SLC2A10: variants seen among roughly 807,000 people sequenced by gnomAD.
SLC2A10 encodes solute carrier family 2 member 10.
Under a neutral mutation model 32.1 loss-of-function variants are expected in SLC2A10, and 25 were observed. That is an observed-to-expected ratio of 0.78 (90% CI 0.57 to 1.09). The LOEUF is 1.09. Among genes scored for constraint, SLC2A10 ranks in the 50% least tolerant of loss-of-function variants. The probability of loss-of-function intolerance (pLI) is 0.00; values close to 1 mark genes in which losing one functional copy is unlikely to be tolerated. For synonymous variants in SLC2A10, 332 were observed against 309.6 expected (o/e 1.07, Z -0.76); for missense variants, 673 against 686.5 (o/e 0.98, Z 0.22).
rs983582627 is a variant in SLC2A10, at chr20:46,725,512, G to C, written c.476G>C (p.Gly159Ala). The C allele has an allele frequency of 1.2e-6, 2 of 1,614,016 alleles. No individual in the cohort carries two copies. The highest frequency in any genetic ancestry group is 2.7e-5 in the African/African-American group (2 of 74,912). Residue 159 changes from glycine (G) to alanine (A), a missense_variant, in exon 2 of 5, where the codon GGT (glycine) becomes GCT (alanine). By Grantham distance (60) the Gly-to-Ala change is moderately conservative. Coordinates refer to ENST00000359271, the MANE Select transcript of SLC2A10 (RefSeq NM_030777.4). ...TATGCCCTCAACTATGCACTGGCTG[G>C]TACCCCCTGGGGATGGAGGCACATG... is the stretch of plus-strand genomic sequence containing the variant. Reference protein sequence around the residue: ...LSYALNYALAGTPWGWRHMFG... With the variant: ...LSYALNYALAATPWGWRHMFG...
chr20:46,708,940 C>T (rs1978742313), upstream of SLC2A10, among the ~76,000 whole-genome samples: 1 of 152,236 alleles, frequency 6.6e-6, no homozygotes. Context: ...CTTCTCAGAT[C>T]AGCAAGCTAA....
upstream of SLC2A10, among the ~76,000 whole-genome samples, chr20:46,708,808 T>C (rs975778360): frequency 5.9e-5 from 9 of 152,224 alleles, no homozygotes; most frequent in African/African-American, 2.2e-4. Flanking sequence ...TCTTCTCCTC[T>C]GCTCCAGACA....
rs200196034 is a variant in SLC2A10, at chr20:46,726,093, C to T, written c.1057C>T (p.Leu353=). Reference sequence around the variant, plus strand: ...CTCTGGCCTGCTGCAGGACTCCTCTCTACCTCCCATTCCAAGGACCAATGA... The same window carrying T: ...CTCTGGCCTGCTGCAGGACTCCTCTTTACCTCCCATTCCAAGGACCAATGA... ...GDSGLLQDSS[L]PPIPRTNEDQ... is the part of the protein sequence containing the mutation. Residue 353 remains leucine, a synonymous_variant, in exon 2 of 5, where the codon CTA becomes TTA. Transcript: ENST00000359271. 3 of 1,614,142 alleles carry T rather than the reference C, an allele frequency of 1.9e-6. No homozygotes were observed. The highest frequency in any genetic ancestry group is 2.2e-5 in the South Asian group (2 of 91,096).
At chr20:46,723,172 G>A (rs751753318) in intron 1 of SLC2A10, among the ~76,000 whole-genome samples, 24 of 152,114 alleles carry the variant, frequency 1.6e-4, no homozygotes, top group Admixed American at 5.9e-4. Context: ...CTACTATGTC[G>A]GTGTGTAGCT....
At chr20:46,716,496 A>G (rs1364222391) in intron 1 of SLC2A10, among the ~76,000 whole-genome samples, 1 of 151,764 alleles carries the variant, frequency 6.6e-6, no homozygotes, top group Non-Finnish European at 1.5e-5. Context: ...GTCCAGAGAA[A>G]CTCTCCATAC....
chr20:46,724,838 T>C (rs1979770309), intron 1 of SLC2A10, among the ~76,000 whole-genome samples: 1 of 147,214 alleles, frequency 6.8e-6, no homozygotes, highest in Admixed American at 6.7e-5. Flanking sequence ...GATGGATGGA[T>C]GGATGGATGG....
chr20:46,710,429 C>G (rs886485648), intron 1 of SLC2A10: 1 of 171,906 alleles, frequency 5.8e-6, no homozygotes, highest in Non-Finnish European at 1.2e-5. Flanking sequence ...ATAAACCTCT[C>G]TCTCATGGAG....
At chr20:46,715,258 C>A (rs201671772) in intron 1 of SLC2A10, among the ~76,000 whole-genome samples, 1 of 109,578 alleles carries the variant, frequency 9.1e-6, no homozygotes, top group Admixed American at 9.7e-5. Flanking sequence ...TTGTTTGTTT[C>A]TATTGTCCAT....
intron 1 of SLC2A10, among the ~76,000 whole-genome samples, chr20:46,719,318 C>T (rs907211335): frequency 6.6e-6 from 1 of 152,128 alleles, no homozygotes; most frequent in African/African-American, 2.4e-5. Context: ...TCTCTTAGCA[C>T]CAGCTGTTGA....
Position 46,725,076 on chromosome 20 carries a change from G to A in SLC2A10, c.40G>A (p.Val14Met). The A allele has an allele frequency of 6.2e-7, 1 of 1,614,232 alleles. No individual in the cohort carries two copies. Among genetic ancestry groups the A allele is most frequent in the Non-Finnish European group, 8.5e-7 (1 of 1,180,034 alleles). ...ACCTGTCCTGCCTTTGTGTGCCTCTGTGTCTTTGCTGGGTGGCCTGACCTT... is the reference window on the plus strand; with the variant it reads ...ACCTGTCCTGCCTTTGTGTGCCTCTATGTCTTTGCTGGGTGGCCTGACCTT... Reference protein sequence around the residue: ...SPPVLPLCASVSLLGGLTFGY... With the variant: ...SPPVLPLCASMSLLGGLTFGY... Residue 14 changes from valine to methionine, a missense_variant, in exon 2 of 5, where the codon GTG (valine) becomes ATG (methionine). Coordinates refer to ENST00000359271, the MANE Select transcript of SLC2A10 (RefSeq NM_030777.4).
intron 1 of SLC2A10, among the ~76,000 whole-genome samples, chr20:46,710,966 T>A (rs2122991197): frequency 6.6e-6 from 1 of 152,002 alleles, no homozygotes; most frequent in Middle Eastern, 3.4e-3. Context: ...TCCAGCTCCC[T>A]GGTTCAAGCA....
rs1439710641 is a variant in SLC2A10, at chr20:46,734,757, T to C, written c.*923T>C. 1 of 152,606 alleles carries C rather than the reference T, an allele frequency of 6.6e-6. No individual in the cohort carries two copies. The highest frequency in any genetic ancestry group is 6.5e-5 in the Admixed American group (1 of 15,276). The allele number at this position is 152,606 out of a possible 1,614,324, so 9.5% of individuals were successfully genotyped here. A position where few individuals can be genotyped will look rare whatever the true frequency, so the allele number is the denominator to read the frequency against. On this transcript the variant is annotated 3_prime_UTR_variant, in exon 5 of 5. Transcript: ENST00000359271. The stretch of plus-strand genomic sequence containing the variant: ...AGCCTGTACCAGGTCATTCTTAAGA[T>C]TTCTCCTGACTCCAGTGAGCTGGAA...
chr20:46,730,862 C>T (rs1344415870), intron 4 of SLC2A10, among the ~76,000 whole-genome samples: 1 of 152,190 alleles, frequency 6.6e-6, no homozygotes, highest in East Asian at 1.9e-4. Flanking sequence ...GTGATAGTCA[C>T]CAGCTCCTGA....
chr20:46,720,098 G>A (rs561938596), intron 1 of SLC2A10, among the ~76,000 whole-genome samples: 1 of 152,324 alleles, frequency 6.6e-6, no homozygotes, highest in Non-Finnish European at 1.5e-5. Context: ...AGCAAACAAG[G>A]TGGGTATTAT....
At chr20:46,709,030 G>T (rs573804447), upstream of SLC2A10, among the ~76,000 whole-genome samples, 1 of 152,240 alleles carries the variant, frequency 6.6e-6, no homozygotes, top group African/African-American at 2.4e-5. Context: ...ATATTTCTCA[G>T]GATCCTTTAG....
rs920218255 is a variant in SLC2A10 at position 46,725,470 on chromosome 20, T to C, written c.434T>C (p.Val145Ala). 8.7e-6 allele frequency: 14 copies of C among 1,614,062 alleles called. No individual in the cohort carries two copies. The highest frequency in any genetic ancestry group is 1.1e-5 in the Non-Finnish European group (13 of 1,180,030). ...TCCCTCTATGAGGCAGGCATCACCG[T>C]GGGCATCCTGCTCTCCTATGCCCTC... ...LVSLYEAGIT[V>A]GILLSYALNY... Residue 145 changes from valine (V) to alanine (A), a missense_variant, in exon 2 of 5, where the codon GTG becomes GCG. Transcript: ENST00000359271.
At position 46,719,897 on chromosome 20, in the gene SLC2A10, G is replaced by A. The variant is rs116946366; in HGVS notation, c.5-5144G>A. 1.9e-4 allele frequency among the ~76,000 whole-genome samples: 29 copies of A among 152,334 alleles called. No individual in the cohort carries two copies. The East Asian group carries it at 4.0e-3, about 21-fold the overall frequency. On this transcript the variant is annotated intron_variant, in intron 1 of 4. Coordinates refer to ENST00000359271, the MANE Select transcript of SLC2A10 (RefSeq NM_030777.4). The stretch of plus-strand genomic sequence containing the variant: ...AGCCCTGTTTTACAGGTGAGGAAAC[G>A]AGTTCAAAGAGAAGAAGCAGCTTGC...
In SLC2A10 at chr20:46,726,903, T is replaced by C. The variant is rs1301723861; in HGVS notation, c.1328T>C (p.Ile443Thr). ...LVLSEIYPVE[I>T]RGRAFAFCNS... ...CTCAGCGAGATCTACCCTGTGGAGATACGAGGAAGAGCCTTCGCCTTCTGC... is the reference window on the plus strand; with the variant it reads ...CTCAGCGAGATCTACCCTGTGGAGACACGAGGAAGAGCCTTCGCCTTCTGC... Residue 443 changes from isoleucine to threonine, a missense_variant, in exon 3 of 5, where the codon ATA becomes ACA. Ile to Thr is a moderately conservative substitution (Grantham distance 89). Transcript: ENST00000359271. 1 of 1,614,052 alleles carries C rather than the reference T, an allele frequency of 6.2e-7. No individual in the cohort carries two copies. The highest frequency in any genetic ancestry group is 1.7e-5 in the Admixed American group (1 of 60,008).
Position 46,733,755 on chromosome 20 carries a change from G to C in SLC2A10, c.1548-1G>C, listed in dbSNP as rs1980419362. 6.2e-7 allele frequency: 1 copy of C among 1,613,920 alleles called. No individual in the cohort carries two copies. Among genetic ancestry groups the C allele is most frequent in the Non-Finnish European group, 8.5e-7 (1 of 1,179,948 alleles). ...GATCCCACGCATTCTTTGTCTGACA[G>C]GTTCACCCTGAGCTTTGGCCACAGG... is the stretch of plus-strand genomic sequence containing the variant. On this transcript the variant is annotated splice_acceptor_variant, in intron 4 of 4. Coordinates refer to ENST00000359271, the MANE Select transcript of SLC2A10 (RefSeq NM_030777.4). LOFTEE classifies it high-confidence loss of function.
Sources: gnomAD v4.1 joint callset for allele counts (sites outside exome capture counted in the v4.1 genomes callset) on GRCh38, gnomAD v4.1.1 for gene constraint, MANE v1.5 for transcripts, NCBI Gene and HGNC (gene_info 2026-07-23, HGNC 2026-07-21) for gene names.